The following ZNF804B variants were observed in gnomAD, a reference collection of about 807,000 sequenced individuals.
ZNF804B encodes zinc finger protein 804B, also known as zinc finger 804B.
A neutral mutation model predicts 101.4 loss-of-function variants in ZNF804B; 80 were observed. The ratio of observed to expected loss-of-function variants is 0.79; its 90% confidence interval spans 0.66 to 0.95. ZNF804B has a LOEUF of 0.95. Among genes scored for constraint, ZNF804B ranks in the 40% least tolerant of loss-of-function variants. ZNF804B has a pLI of 0.00. For missense variants in ZNF804B, 1,673 were observed against 1,561.9 expected (o/e 1.07, Z -1.20); for synonymous variants, 622 against 558.8 (o/e 1.11, Z -1.59).
At chr7:88,966,576 G>T (rs1306397082) in intron 1 of ZNF804B, among the ~76,000 whole-genome samples, 1 of 151,488 alleles carries the variant, frequency 6.6e-6, no homozygotes, top group Non-Finnish European at 1.5e-5. Flanking sequence ...TCTAACATAT[G>T]TGTTATTGTT....
chr7:88,819,117 T>A (rs1790933303), intron 1 of ZNF804B, among the ~76,000 whole-genome samples: 1 of 151,922 alleles, frequency 6.6e-6, no homozygotes, highest in South Asian at 2.1e-4. Context: ...CCACATTTTC[T>A]TTTTTTTGTT....
At chr7:88,950,903 C>T (rs1455418056) in intron 1 of ZNF804B, among the ~76,000 whole-genome samples, 1 of 143,244 alleles carries the variant, frequency 7.0e-6, no homozygotes, top group Non-Finnish European at 1.5e-5. Context: ...TTAAAAGCCT[C>T]AAGAAGAAAG....
In ZNF804B at chr7:89,143,183, G is replaced by T. The variant is rs115795992; in HGVS notation, c.109-74972G>T. ...GCCAAGTTGGAGGGTGGGGGGGTTG[G>T]TAAAGCCACATGTAAATTTTATTAT... is the stretch of plus-strand genomic sequence containing the variant. On this transcript the variant is annotated intron_variant, in intron 1 of 3. Transcript: ENST00000333190. Among the ~76,000 whole-genome samples, 1,394 of 151,960 alleles carry T rather than the reference G, an allele frequency of 9.2e-3. 14 individuals carry two copies. Among genetic ancestry groups the T allele is most frequent in the African/African-American group, 0.032 (1,312 of 41,480 alleles).
chr7:89,154,439 T>C (rs941424877), intron 1 of ZNF804B, among the ~76,000 whole-genome samples: 2 of 152,170 alleles, frequency 1.3e-5, no homozygotes, highest in African/African-American at 4.8e-5. Flanking sequence ...CTGTTTACAA[T>C]AGCCAACATT....
rs551609342 is a variant in ZNF804B at position 89,224,163 on chromosome 7, T to C, written c.249+5868T>C. Among the ~76,000 whole-genome samples, 4 of 152,090 alleles carry C rather than the reference T, an allele frequency of 2.6e-5. No individual in the cohort carries two copies. In the South Asian group the frequency reaches 8.3e-4, roughly 31 times the overall value. ...AAAAAACAAATGAGCCAGATCCCTG[T>C]ACAATTAACCCATAAAAAATATCTT... On this transcript the variant is annotated intron_variant, in intron 2 of 3. Coordinates refer to ENST00000333190, the MANE Select transcript of ZNF804B (RefSeq NM_181646.5).
intron 3 of ZNF804B, among the ~76,000 whole-genome samples, chr7:89,330,304 A>C (rs987730079): frequency 6.6e-6 from 1 of 151,638 alleles, no homozygotes; most frequent in Admixed American, 6.6e-5. Flanking sequence ...GATCTAATGT[A>C]GAGCATGATT....
At chr7:88,946,587 G>A (rs1343558225) in intron 1 of ZNF804B, among the ~76,000 whole-genome samples, 3 of 147,990 alleles carry the variant, frequency 2.0e-5, no homozygotes, top group East Asian at 2.0e-4. Context: ...TCTCTGCTAG[G>A]TTTTGGTATC....
At chr7:89,251,038 A>G (rs1308494821) in intron 2 of ZNF804B, among the ~76,000 whole-genome samples, 1 of 152,218 alleles carries the variant, frequency 6.6e-6, no homozygotes, top group African/African-American at 2.4e-5. Flanking sequence ...GAACAAGGCA[A>G]GAATGCCCAC....
chr7:88,941,382 G>C (rs1021550748), intron 1 of ZNF804B, among the ~76,000 whole-genome samples: 4 of 151,938 alleles, frequency 2.6e-5, no homozygotes, highest in Non-Finnish European at 5.9e-5. Context: ...TCGTTGAGTG[G>C]ATAAATAAAC....
At chr7:88,912,538 A>T (rs1792565010) in intron 1 of ZNF804B, among the ~76,000 whole-genome samples, 1 of 152,098 alleles carries the variant, frequency 6.6e-6, no homozygotes, top group Admixed American at 6.6e-5. Flanking sequence ...TATGGTTTTG[A>T]ATTTCACATT....
chr7:89,139,928 C>T (rs1216541869), intron 1 of ZNF804B, among the ~76,000 whole-genome samples: 1 of 152,024 alleles, frequency 6.6e-6, no homozygotes, highest in Non-Finnish European at 1.5e-5. Context: ...ATTCAATTTA[C>T]CTTGCTCACA....
chr7:89,178,621 A>G lies in ZNF804B; in HGVS notation c.109-39534A>G, dbSNP rs148829961. Among the ~76,000 whole-genome samples, 386 of 152,184 alleles carry G rather than the reference A, an allele frequency of 2.5e-3. 2 individuals are homozygous for G. The highest frequency in any genetic ancestry group is 8.8e-3 in the African/African-American group (364 of 41,562). On this transcript the variant is annotated intron_variant, in intron 1 of 3. Coordinates refer to ENST00000333190, the MANE Select transcript of ZNF804B (RefSeq NM_181646.5). Reference sequence around the variant, plus strand: ...CTTTTTGTGTCTTATTATACTGTTTATATCTTGAAAAGTTGTCACAGTTAT... The same window carrying G: ...CTTTTTGTGTCTTATTATACTGTTTGTATCTTGAAAAGTTGTCACAGTTAT...
At chr7:89,009,580 AG>A (rs1429463410) in intron 1 of ZNF804B, among the ~76,000 whole-genome samples, 1 of 152,208 alleles carries the variant, frequency 6.6e-6, no homozygotes, top group Admixed American at 6.5e-5. Flanking sequence ...TATTAGGAGA[AG>A]GTGGGGCATT....
At chr7:88,767,522 C>T (rs768418957) in intron 1 of ZNF804B, among the ~76,000 whole-genome samples, 12 of 152,148 alleles carry the variant, frequency 7.9e-5, no homozygotes, top group Non-Finnish European at 1.5e-5. Context: ...AAATAAATGC[C>T]ATATTCCAAA....
chr7:89,186,413 G>C (rs1248187742), intron 1 of ZNF804B, among the ~76,000 whole-genome samples: 1 of 152,034 alleles, frequency 6.6e-6, no homozygotes, highest in African/African-American at 2.4e-5. Context: ...AAAAGTCTTT[G>C]CTTGTTTGAT....
chr7:88,913,555 C>T (rs557829140), intron 1 of ZNF804B, among the ~76,000 whole-genome samples: 7 of 152,206 alleles, frequency 4.6e-5, no homozygotes, highest in African/African-American at 9.6e-5. Context: ...TCACCAGGCC[C>T]GGTTAATTTT....
chr7:89,092,677 C>G (rs900549805), intron 1 of ZNF804B, among the ~76,000 whole-genome samples: 1 of 152,036 alleles, frequency 6.6e-6, no homozygotes, highest in Admixed American at 6.6e-5. Context: ...TCCCAAAGTG[C>G]GTTGATTTAT....
chr7:88,908,565 C>A (rs190056068), intron 1 of ZNF804B, among the ~76,000 whole-genome samples: 3 of 151,888 alleles, frequency 2.0e-5, no homozygotes, highest in Non-Finnish European at 4.4e-5. Flanking sequence ...AGAATATTTG[C>A]AAGAACTTGA....
Position 88,988,135 on chromosome 7 carries a change from T to A in ZNF804B, c.108+228051T>A, listed in dbSNP as rs1793791197. On this transcript the variant is annotated intron_variant, in intron 1 of 3. Transcript: ENST00000333190. ...TAATGTCCTCCAGTTCCATCCATGT[T>A]CTTATTAGTTTATTAAACAAAATTT... Among the ~76,000 whole-genome samples the A allele has an allele frequency of 2.0e-5, 3 of 151,968 alleles. No homozygotes were observed. The South Asian group carries it at 6.2e-4, about 32-fold the overall frequency.
Sources: allele counts gnomAD v4.1 joint callset (sites outside exome capture counted in the v4.1 genomes callset), GRCh38; gene constraint gnomAD v4.1.1; transcripts MANE v1.5; gene names NCBI Gene and HGNC (gene_info 2026-07-23, HGNC 2026-07-21).